ZCWPW2: variants seen among roughly 807,000 people sequenced by gnomAD.
ZCWPW2 encodes zinc finger CW-type and PWWP domain containing 2, also known as zinc finger CW-type PWWP domain protein 2.
Under a neutral mutation model 46.6 loss-of-function variants are expected in ZCWPW2, and 45 were observed. That is an observed-to-expected ratio of 0.96 (90% CI 0.76 to 1.24). The LOEUF (loss-of-function observed/expected upper bound fraction) is 1.24, where lower values mean the gene tolerates loss of function less well. Ranked by LOEUF, ZCWPW2 falls within the 50% of genes most tolerant of loss-of-function variation. The probability of loss-of-function intolerance (pLI) is 0.00; values close to 1 mark genes in which losing one functional copy is unlikely to be tolerated. For synonymous variants in ZCWPW2, 152 were observed against 137.1 expected (o/e 1.11, Z -0.76); for missense variants, 429 against 403.9 (o/e 1.06, Z -0.53).
chr3:28,453,982 C>A (rs767713358), intron 4 of ZCWPW2, among the ~76,000 whole-genome samples: 4 of 151,414 alleles, frequency 2.6e-5, no homozygotes, highest in Non-Finnish European at 5.9e-5. Context: ...GTATCTGGGA[C>A]TACAGGCACC....
At position 28,484,982 on chromosome 3, in the gene ZCWPW2, A is replaced by G. The variant is rs149365580; in HGVS notation, c.610+6051A>G. On this transcript the variant is annotated intron_variant, in intron 5 of 9. Transcript: ENST00000383768. ...TCTTTTTCTTCTAGTTTCCAAAGTA[A>G]AAGCTTAGATTATTGATTTTAGAGC... Among the ~76,000 whole-genome samples, 673 of 152,156 alleles carry G rather than the reference A, an allele frequency of 4.4e-3. 4 individuals carry two copies. The highest frequency in any genetic ancestry group is 0.015 in the African/African-American group (620 of 41,532).
intron 7 of ZCWPW2, among the ~76,000 whole-genome samples, chr3:28,514,452 A>G (rs868513462): frequency 1.3e-5 from 2 of 152,178 alleles, no homozygotes; most frequent in Admixed American, 6.5e-5. Flanking sequence ...ATGCAAAGCT[A>G]TTAGTATATA....
intron 1 of ZCWPW2, among the ~76,000 whole-genome samples, chr3:28,350,802 A>G (rs528421934): frequency 5.3e-5 from 8 of 152,022 alleles, no homozygotes; most frequent in African/African-American, 1.9e-4. Context: ...TACAGTCTTG[A>G]TAAGGACATT....
chr3:28,459,186 C>G (rs777724479), intron 4 of ZCWPW2, among the ~76,000 whole-genome samples: 1 of 151,870 alleles, frequency 6.6e-6, no homozygotes, highest in African/African-American at 2.4e-5. Flanking sequence ...CTGGCTAACA[C>G]GGTGAAACCC....
chr3:28,361,246 C>G lies in ZCWPW2; in HGVS notation c.-134+12043C>G, dbSNP rs147616782. ...CTACACACTGTGGTAAAATTATCTT[C>G]AACAAAGATGCCAGAACTACATAAT... is the stretch of plus-strand genomic sequence containing the variant. On this transcript the variant is annotated intron_variant, in intron 1 of 9. Transcript: ENST00000383768. Among the ~76,000 whole-genome samples the G allele has an allele frequency of 6.6e-3, 1,001 of 152,232 alleles. 9 individuals carry two copies. Among genetic ancestry groups the G allele is most frequent in the African/African-American group, 0.02 (842 of 41,524 alleles).
chr3:28,472,089 G>T (rs549765108), intron 4 of ZCWPW2, among the ~76,000 whole-genome samples: 3 of 152,182 alleles, frequency 2.0e-5, no homozygotes, highest in African/African-American at 7.2e-5. Context: ...AGAAAAAAAT[G>T]GAGACATATT....
Position 28,352,684 on chromosome 3 carries a change from C to A in ZCWPW2, c.-134+3481C>A, listed in dbSNP as rs146103715. 2.5e-3 allele frequency among the ~76,000 whole-genome samples: 377 copies of A among 152,254 alleles called. 1 individual carries two copies. Among genetic ancestry groups the A allele is most frequent in the African/African-American group, 8.3e-3 (344 of 41,546 alleles). ...TTTTGGTATATAACTTATGAGTTCA[C>A]ACAAATGATTATTGCTATAACCAGA... is the stretch of plus-strand genomic sequence containing the variant. On this transcript the variant is annotated intron_variant, in intron 1 of 9. Coordinates refer to ENST00000383768, the MANE Select transcript of ZCWPW2 (RefSeq NM_001040432.4).
chr3:28,436,519 A>G (rs1697506981), intron 4 of ZCWPW2, among the ~76,000 whole-genome samples: 1 of 152,066 alleles, frequency 6.6e-6, no homozygotes. Flanking sequence ...AAAACATGCA[A>G]TTTAATCCAC....
intron 1 of ZCWPW2, among the ~76,000 whole-genome samples, chr3:28,351,933 C>G (rs1253092948): frequency 6.6e-6 from 1 of 152,124 alleles, no homozygotes; most frequent in Non-Finnish European, 1.5e-5. Flanking sequence ...TGACATATCA[C>G]ATGTTCAGGT....
chr3:28,414,440 T>C lies in ZCWPW2; in HGVS notation c.332+1040T>C, dbSNP rs1175578505. Among the ~76,000 whole-genome samples, 8 of 151,936 alleles carry C rather than the reference T, an allele frequency of 5.3e-5. No individual in the cohort carries two copies. The East Asian group carries it at 1.5e-3, about 29-fold the overall frequency. ...GGGGTTTGTTGTGAAGATTATTTCA[T>C]CAACCAGGTTTTTTTTTAATTTTAT... On this transcript the variant is annotated intron_variant, in intron 3 of 9. Transcript: ENST00000383768.
At chr3:28,410,861 A>T (rs1193934045) in intron 2 of ZCWPW2, among the ~76,000 whole-genome samples, 1 of 152,034 alleles carries the variant, frequency 6.6e-6, no homozygotes. Context: ...TGTTTAATAA[A>T]CTCTGACAAG....
At chr3:28,446,410 A>G (rs777809047) in intron 4 of ZCWPW2, among the ~76,000 whole-genome samples, 1 of 152,176 alleles carries the variant, frequency 6.6e-6, no homozygotes, top group Non-Finnish European at 1.5e-5. Context: ...AAGACAACCA[A>G]TGAATCAAAG....
chr3:28,525,552 A>G lies in ZCWPW2; in HGVS notation c.*864A>G, dbSNP rs1700827683. Among the ~76,000 whole-genome samples the G allele has an allele frequency of 6.6e-6, 1 of 152,114 alleles. No homozygotes were observed. The highest frequency in any genetic ancestry group is 6.6e-5 in the Admixed American group (1 of 15,252). ...GGGGAAAAGGGCATTCCAAGCACAT[A>G]AAAACCAAAGCTTGAGGAGAGAAGA... is the stretch of plus-strand genomic sequence containing the variant. On this transcript the variant is annotated 3_prime_UTR_variant, in exon 10 of 10. Transcript: ENST00000383768.
chr3:28,349,221 C>T lies in ZCWPW2; in HGVS notation c.-134+18C>T, dbSNP rs1559467822. 4 of 984,782 alleles carry T rather than the reference C, an allele frequency of 4.1e-6. No homozygotes were observed. The highest frequency in any genetic ancestry group is 1.2e-6 in the Non-Finnish European group (1 of 829,404). The allele number at this position is 984,782 out of a possible 1,614,324, so 61.0% of individuals were successfully genotyped here. On this transcript the variant is annotated intron_variant, in intron 1 of 9. Coordinates refer to ENST00000383768, the MANE Select transcript of ZCWPW2 (RefSeq NM_001040432.4). ...GGAGTTAGGTAAGAGCGTTACCAGC[C>T]GTCTTGTCTGTTGGGCCGAGGTCCC... is the stretch of plus-strand genomic sequence containing the variant.
intron 3 of ZCWPW2, among the ~76,000 whole-genome samples, chr3:28,425,976 G>A (rs1696991589): frequency 6.6e-6 from 1 of 152,022 alleles, no homozygotes; most frequent in South Asian, 2.1e-4. Context: ...GGGCGTGGTG[G>A]CACATGTCTG....
intron 4 of ZCWPW2, among the ~76,000 whole-genome samples, chr3:28,470,492 TA>T (rs751954217): frequency 0.016 from 1,423 of 87,628 alleles, 5 homozygotes; most frequent in Middle Eastern, 0.022. Context: ...GACTCCGTCT[TA>T]AAAAAAAAAA....
At chr3:28,477,771 G>A (rs2125803493) in intron 4 of ZCWPW2, among the ~76,000 whole-genome samples, 1 of 152,116 alleles carries the variant, frequency 6.6e-6, no homozygotes, top group African/African-American at 2.4e-5. Flanking sequence ...TTATAGATAG[G>A]TGTTAATTAT....
intron 4 of ZCWPW2, among the ~76,000 whole-genome samples, chr3:28,456,324 C>G (rs1015385915): frequency 6.6e-6 from 1 of 152,060 alleles, no homozygotes; most frequent in Non-Finnish European, 1.5e-5. Context: ...TGCATATTGA[C>G]TTTGTGTCCT....
Position 28,413,278 on chromosome 3 carries a change from C to A in ZCWPW2, c.210C>A (p.Asn70Lys). ...CFMNTDSRYN[N>K]CSISEEDFPE... ...TGAACACTGATTCAAGATATAATAACTGCTCAATTTCTGAAGAAGACTTCC... is the reference window on the plus strand; with the variant it reads ...TGAACACTGATTCAAGATATAATAAATGCTCAATTTCTGAAGAAGACTTCC... Residue 70 changes from asparagine to lysine, a missense_variant, in exon 3 of 10, where the codon AAC becomes AAA. Transcript: ENST00000383768. The A allele has an allele frequency of 6.2e-7, 1 of 1,613,270 alleles. No homozygotes were observed. Among genetic ancestry groups the A allele is most frequent in the Middle Eastern group, 1.7e-4 (1 of 6,050 alleles).
Sources: gnomAD v4.1 joint callset for allele counts (sites outside exome capture counted in the v4.1 genomes callset) on GRCh38, gnomAD v4.1.1 for gene constraint, MANE v1.5 for transcripts, NCBI Gene and HGNC (gene_info 2026-07-23, HGNC 2026-07-21) for gene names.